The following SPAG16 variants were observed in gnomAD, a reference collection of about 807,000 sequenced individuals.
SPAG16 encodes the protein sperm associated antigen 16.
A neutral mutation model predicts 80.4 loss-of-function variants in SPAG16; 86 were observed. The ratio of observed to expected loss-of-function variants is 1.07; its 90% CI spans 0.90 to 1.28. The LOEUF is 1.28. SPAG16 is among the 50% of genes most tolerant of loss of function. The probability of loss-of-function intolerance (pLI) is 0.00; values close to 1 mark genes in which losing one functional copy is unlikely to be tolerated. For synonymous variants in SPAG16, 294 were observed against 265.9 expected (o/e 1.11, Z -1.03); for missense variants, 870 against 765.3 (o/e 1.14, Z -1.61).
At position 213,468,397 on chromosome 2, in the gene SPAG16, A is replaced by C. The variant is rs564887434; in HGVS notation, c.943-21566A>C. 2.4e-3 allele frequency among the ~76,000 whole-genome samples: 342 copies of C among 145,366 alleles called. 2 individuals carry two copies. The highest frequency in any genetic ancestry group is 8.1e-3 in the African/African-American group (325 of 39,920). ...TCTCTATATATATAGATATATATAT[A>C]TATATCTATGTATTTATGTACAGAT... On this transcript the variant is annotated intron_variant, in intron 9 of 15. Transcript: ENST00000331683.
intron 15 of SPAG16, among the ~76,000 whole-genome samples, chr2:214,346,312 T>C (rs1325055437): frequency 2.6e-5 from 4 of 152,246 alleles, no homozygotes; most frequent in Non-Finnish European, 5.9e-5. Context: ...AGTTTAAATG[T>C]TCATTTCTCT....
intron 15 of SPAG16, among the ~76,000 whole-genome samples, chr2:214,354,587 A>G (rs1439330029): frequency 8.6e-5 from 13 of 151,976 alleles, no homozygotes; most frequent in Non-Finnish European, 1.9e-4. Context: ...AATTACCTTG[A>G]GCAGTATGGC....
chr2:213,387,705 C>T (rs917194176), intron 9 of SPAG16, among the ~76,000 whole-genome samples: 23 of 151,600 alleles, frequency 1.5e-4, no homozygotes, highest in African/African-American at 3.6e-4. Flanking sequence ...CCGCCCGCCT[C>T]GGCCTCCCAA....
At chr2:213,781,065 T>C (rs1451345465) in intron 10 of SPAG16, among the ~76,000 whole-genome samples, 2 of 152,178 alleles carry the variant, frequency 1.3e-5, no homozygotes, top group Non-Finnish European at 2.9e-5. Context: ...TCTGAAGTGG[T>C]GGCAACAGAG....
chr2:213,847,999 A>G (rs540293068), intron 10 of SPAG16, among the ~76,000 whole-genome samples: 3 of 152,280 alleles, frequency 2.0e-5, no homozygotes, highest in South Asian at 4.1e-4. Context: ...AAGGCAAGTA[A>G]TTTGAGTTAT....
chr2:213,419,768 C>G (rs987693062), intron 9 of SPAG16, among the ~76,000 whole-genome samples: 1 of 151,944 alleles, frequency 6.6e-6, no homozygotes, highest in East Asian at 1.9e-4. Flanking sequence ...GGTTTTGAAC[C>G]AAAAGTATGA....
intron 13 of SPAG16, among the ~76,000 whole-genome samples, chr2:214,019,234 A>C (rs1400440902): frequency 6.6e-6 from 1 of 152,190 alleles, no homozygotes. Context: ...AAATAAATGC[A>C]ATGAGATTGT....
intron 10 of SPAG16, among the ~76,000 whole-genome samples, chr2:213,713,089 G>T (rs781099178): frequency 6.6e-6 from 1 of 152,130 alleles, no homozygotes; most frequent in Admixed American, 6.5e-5. Context: ...AAACCATCAG[G>T]TCTGGTGAGA....
chr2:213,834,461 A>C (rs1213583639), intron 10 of SPAG16, among the ~76,000 whole-genome samples: 1 of 152,202 alleles, frequency 6.6e-6, no homozygotes, highest in African/African-American at 2.4e-5. Flanking sequence ...AGTGGAGTTT[A>C]GCAAGCTCAG....
intron 10 of SPAG16, among the ~76,000 whole-genome samples, chr2:213,807,639 T>C (rs2071853840): frequency 6.6e-6 from 1 of 152,134 alleles, no homozygotes; most frequent in African/African-American, 2.4e-5. Flanking sequence ...GAAAAAGTAA[T>C]TGTACAGGAG....
chr2:213,705,851 C>A (rs1298973084), intron 10 of SPAG16, among the ~76,000 whole-genome samples: 1 of 151,928 alleles, frequency 6.6e-6, no homozygotes, highest in African/African-American at 2.4e-5. Flanking sequence ...CCCAATGAAA[C>A]CAAGTTTTCT....
intron 12 of SPAG16, among the ~76,000 whole-genome samples, chr2:213,999,477 C>T (rs984869879): frequency 6.6e-6 from 1 of 152,240 alleles, no homozygotes; most frequent in African/African-American, 2.4e-5. Context: ...CAGAAGTTTG[C>T]TGCAGGGGCA....
intron 14 of SPAG16, among the ~76,000 whole-genome samples, chr2:214,129,440 T>G (rs1410547165): frequency 6.6e-6 from 1 of 152,160 alleles, no homozygotes; most frequent in Non-Finnish European, 1.5e-5. Context: ...TTGTCCAGGT[T>G]TTTGGTTGTT....
chr2:214,057,221 A>G (rs1240253962), intron 13 of SPAG16, among the ~76,000 whole-genome samples: 1 of 149,252 alleles, frequency 6.7e-6, no homozygotes, highest in African/African-American at 2.5e-5. Flanking sequence ...CATCAGAGGA[A>G]TTATTAGCTA....
At chr2:214,245,376 G>A (rs1333863014) in intron 15 of SPAG16, among the ~76,000 whole-genome samples, 1 of 151,892 alleles carries the variant, frequency 6.6e-6, no homozygotes, top group Non-Finnish European at 1.5e-5. Flanking sequence ...ACTGCCTTCT[G>A]CACCACCTTT....
intron 4 of SPAG16, among the ~76,000 whole-genome samples, chr2:213,315,894 G>A (rs1450115087): frequency 6.6e-6 from 1 of 151,818 alleles, no homozygotes; most frequent in Non-Finnish European, 1.5e-5. Context: ...TTTTGGTAGT[G>A]TTTTCTTTTC....
At chr2:214,265,864 C>T (rs1414175388) in intron 15 of SPAG16, among the ~76,000 whole-genome samples, 1 of 151,910 alleles carries the variant, frequency 6.6e-6, no homozygotes, top group Non-Finnish European at 1.5e-5. Flanking sequence ...ATCATCCTAG[C>T]TAAAGCAGTC....
intron 10 of SPAG16, among the ~76,000 whole-genome samples, chr2:213,633,703 C>T (rs957650182): frequency 3.3e-5 from 5 of 152,020 alleles, no homozygotes; most frequent in African/African-American, 9.7e-5. Context: ...TTTGGGTGCT[C>T]CACTGTTGGG....
At chr2:213,304,666 T>G (rs919117900) in intron 3 of SPAG16, among the ~76,000 whole-genome samples, 1 of 152,160 alleles carries the variant, frequency 6.6e-6, no homozygotes, top group Non-Finnish European at 1.5e-5. Context: ...CTTGATACCT[T>G]TGTCGAAAAT....
Sources: gnomAD v4.1 joint callset for allele counts (sites outside exome capture counted in the v4.1 genomes callset) on GRCh38, gnomAD v4.1.1 for gene constraint, MANE v1.5 for transcripts, NCBI Gene and HGNC (gene_info 2026-07-23, HGNC 2026-07-21) for gene names.